The following AKR1C4 variants were observed in gnomAD, a reference collection of about 807,000 sequenced individuals.
AKR1C4 encodes aldo-keto reductase family 1 member C4.
Under a neutral mutation model 41.0 loss-of-function variants are expected in AKR1C4, and 44 were observed. That is an observed-to-expected ratio of 1.07 (90% confidence interval 0.84 to 1.38). The LOEUF (loss-of-function observed/expected upper bound fraction) is 1.38. Ranked by LOEUF, AKR1C4 falls within the 40% of genes most tolerant of loss-of-function variation. The pLI, the probability that AKR1C4 is intolerant of heterozygous loss-of-function variation, is 0.00. For synonymous variants in AKR1C4, 165 were observed against 137.7 expected (o/e 1.20, Z -1.39); for missense variants, 438 against 387.9 (o/e 1.13, Z -1.09).
chr10:5,210,500 G>A (rs2132135100), intron 5 of AKR1C4, among the ~76,000 whole-genome samples: 1 of 152,336 alleles, frequency 6.6e-6, no homozygotes. Flanking sequence ...CCTAGCAGAA[G>A]TTCACCATGA....
In AKR1C4 at chr10:5,210,022, G is replaced by A. The variant is rs531237806; in HGVS notation, c.571-2594G>A. Among the ~76,000 whole-genome samples, 70 of 152,264 alleles carry A rather than the reference G, an allele frequency of 4.6e-4. 4 individuals are homozygous for A. The South Asian group carries it at 0.012, about 26-fold the overall frequency. On this transcript the variant is annotated intron_variant, in intron 5 of 8. Transcript: ENST00000263126. ...CAAGGCAAGTCCCTTCCACCTATAA[G>A]CCTGTAAACTCAAAAGCAAGTTAGT... is the stretch of plus-strand genomic sequence containing the variant.
In AKR1C4 at chr10:5,205,941, TAAGGAGCTTGACA is replaced by T. The variant is rs1832477559; in HGVS notation, c.447+113_447+125del. 15 of 1,211,204 alleles carry T rather than the reference TAAGGAGCTTGACA, an allele frequency of 1.2e-5. No homozygotes were observed. The South Asian group carries it at 2.3e-4, about 19-fold the overall frequency. 75.0% of individuals were successfully genotyped at this position (1,211,204 alleles called of 1,614,324 possible). ...AATATGCACCATTGGAACTAGAAAT[TAAGGAGCTTGACA>T]AAGGAAGTTTTGCTGAGTGGTAGGG... On this transcript the variant is annotated intron_variant, in intron 4 of 8. Coordinates refer to ENST00000263126, the MANE Select transcript of AKR1C4 (RefSeq NM_001818.5).
chr10:5,204,771 G>A (rs1474724265), intron 3 of AKR1C4: 8 of 482,456 alleles, frequency 1.7e-5, no homozygotes, highest in African/African-American at 1.6e-4. Context: ...GGGTTCCTGA[G>A]TCCATCTCTT....
At chr10:5,213,969 T>C (rs1425267937) in intron 7 of AKR1C4, among the ~76,000 whole-genome samples, 1 of 152,138 alleles carries the variant, frequency 6.6e-6, no homozygotes, top group Non-Finnish European at 1.5e-5. Flanking sequence ...TTTCTCGTGG[T>C]TGCTAATATC....
intron 2 of AKR1C4, chr10:5,202,316 G>T (rs782145907): frequency 7.9e-6 from 2 of 251,786 alleles, no homozygotes; most frequent in Non-Finnish European, 1.6e-5. Context: ...CATGGTTGTT[G>T]TTGGTGAATA....
In AKR1C4 at chr10:5,209,513, T is replaced by G. The variant is rs1039490512; in HGVS notation, c.571-3103T>G. ...ATTCATTTCCTAGAAAAAAAATTACTGTAATAATCACTATATTAGTCCATT... is the reference window on the plus strand; with the variant it reads ...ATTCATTTCCTAGAAAAAAAATTACGGTAATAATCACTATATTAGTCCATT... On this transcript the variant is annotated intron_variant, in intron 5 of 8. Coordinates refer to ENST00000263126, the MANE Select transcript of AKR1C4 (RefSeq NM_001818.5). 3.2e-4 allele frequency among the ~76,000 whole-genome samples: 49 copies of G among 152,218 alleles called. 1 individual carries two copies. The highest frequency in any genetic ancestry group is 1.1e-3 in the African/African-American group (44 of 41,456).
intron 2 of AKR1C4, among the ~76,000 whole-genome samples, chr10:5,202,182 G>A (rs1013066704): frequency 6.6e-6 from 1 of 151,994 alleles, no homozygotes; most frequent in Non-Finnish European, 1.5e-5. Flanking sequence ...ATTTGTTTAT[G>A]TATCATTTCT....
chr10:5,206,491 G>C, intron 5 of AKR1C4, 94 bp downstream of exon 5: 1 of 1,578,262 alleles, frequency 6.3e-7, no homozygotes, highest in Non-Finnish European at 8.6e-7. Flanking sequence ...ACTTACATTT[G>C]TGAAACAGAA....
chr10:5,199,606 C>G (rs1832365256), intron 1 of AKR1C4, among the ~76,000 whole-genome samples: 1 of 152,118 alleles, frequency 6.6e-6, no homozygotes, highest in African/African-American at 2.4e-5. Context: ...CGAAAGGCAC[C>G]AGTACGCCAG....
intron 2 of AKR1C4, among the ~76,000 whole-genome samples, chr10:5,201,932 G>A (rs563248296): frequency 6.6e-6 from 1 of 152,188 alleles, no homozygotes; most frequent in Non-Finnish European, 1.5e-5. Context: ...CCTAATTTCT[G>A]TGTTCTCTAT....
At chr10:5,215,198 C>T (rs1398694135) in intron 7 of AKR1C4, among the ~76,000 whole-genome samples, 1 of 152,030 alleles carries the variant, frequency 6.6e-6, no homozygotes, top group Non-Finnish European at 1.5e-5. Context: ...AATTTTGAAA[C>T]TTATAATTTA....
At chr10:5,201,735 T>C (rs1196062073) in intron 2 of AKR1C4, among the ~76,000 whole-genome samples, 5 of 152,354 alleles carry the variant, frequency 3.3e-5, no homozygotes, top group Middle Eastern at 3.4e-3. Context: ...AAAATTTTTA[T>C]GGTTTCAGGT....
intron 8 of AKR1C4, 80 bp from the exon 9 acceptor site, chr10:5,218,638 T>A (rs1832691000): frequency 9.0e-7 from 1 of 1,115,484 alleles, no homozygotes; most frequent in Non-Finnish European, 1.3e-6. Flanking sequence ...TAATGGCAGC[T>A]TCATATAAAT....
At chr10:5,199,066 A>G (rs1832357415) in intron 1 of AKR1C4, among the ~76,000 whole-genome samples, 1 of 152,160 alleles carries the variant, frequency 6.6e-6, no homozygotes. Flanking sequence ...AATTTTTCTA[A>G]CAAATGACTG....
At chr10:5,201,352 A>G (rs1470556356) in intron 2 of AKR1C4, among the ~76,000 whole-genome samples, 1 of 152,100 alleles carries the variant, frequency 6.6e-6, no homozygotes, top group Non-Finnish European at 1.5e-5. Context: ...TTCCCTGATT[A>G]TTAGTTATGT....
chr10:5,202,574 G>C (rs1832417229), intron 2 of AKR1C4: 4 of 392,432 alleles, frequency 1.0e-5, no homozygotes, highest in South Asian at 7.7e-5. Flanking sequence ...GGGCATCCTT[G>C]TCTTATTCCA....
At chr10:5,213,668 T>TAA (rs1832610540) in intron 7 of AKR1C4, among the ~76,000 whole-genome samples, 3 of 152,186 alleles carry the variant, frequency 2.0e-5, no homozygotes, top group Admixed American at 1.3e-4. Flanking sequence ...CATAGAGGTT[T>TAA]AATACAAAAC....
At chr10:5,202,494 T>A (rs1554797014) in intron 2 of AKR1C4, 3 of 446,968 alleles carry the variant, frequency 6.7e-6, no homozygotes, top group Admixed American at 4.8e-5. Context: ...ATTCCCTTTA[T>A]TTTTTTTACC....
At chr10:5,204,959 C>A (rs1313963784) in intron 3 of AKR1C4, among the ~76,000 whole-genome samples, 1 of 152,128 alleles carries the variant, frequency 6.6e-6, no homozygotes, top group Non-Finnish European at 1.5e-5. Flanking sequence ...GAATCCTTGC[C>A]TTTTTCACTA....
Sources: gnomAD v4.1 joint callset for allele counts (sites outside exome capture counted in the v4.1 genomes callset) on GRCh38, gnomAD v4.1.1 for gene constraint, MANE v1.5 for transcripts, NCBI Gene and HGNC (gene_info 2026-07-23, HGNC 2026-07-21) for gene names.